The following RUNX1 variants were observed in gnomAD, a reference collection of about 807,000 sequenced individuals.
RUNX1 encodes the protein runt-related transcription factor 1.
RUNX1 carries 19 observed loss-of-function variants against 42.8 expected under a neutral mutation model. The observed-to-expected ratio is 0.44, with a 90% confidence interval of 0.31 to 0.65. The LOEUF (loss-of-function observed/expected upper bound fraction) is 0.65, where lower values mean the gene tolerates loss of function less well. Ranked by LOEUF, RUNX1 falls within the 30% of genes least tolerant of loss-of-function variation. The pLI, the probability that RUNX1 is intolerant of heterozygous loss-of-function variation, is 0.07. For missense variants in RUNX1, 528 were observed against 672.0 expected, an observed-to-expected ratio of 0.79 and a Z score of 2.37; for synonymous variants, 271 against 289.4, an observed-to-expected ratio of 0.94 and a Z score of 0.64.
At chr21:35,038,546 C>T (rs8126714) in intron 2 of RUNX1, 24,545 of 453,598 alleles carry the variant, frequency 0.054, 4,856 homozygotes, top group African/African-American at 0.44. Context: ...AATGGATTCC[C>T]TAAGCATGGG....
chr21:34,842,135 A>G (rs527582810), intron 6 of RUNX1, among the ~76,000 whole-genome samples: 1 of 152,310 alleles, frequency 6.6e-6, no homozygotes, highest in South Asian at 2.1e-4. Context: ...CTGAAATGTA[A>G]CTACAGAAAA....
intron 5 of RUNX1, among the ~76,000 whole-genome samples, chr21:34,873,132 G>A (rs2057764012): frequency 6.6e-6 from 1 of 152,168 alleles, no homozygotes; most frequent in Admixed American, 6.5e-5. Context: ...CTATACAATA[G>A]TTTCAAATAG....
intron 6 of RUNX1, among the ~76,000 whole-genome samples, chr21:34,852,853 C>T (rs550550409): frequency 1.3e-5 from 2 of 152,338 alleles, no homozygotes; most frequent in Admixed American, 6.5e-5. Flanking sequence ...CTGGAAAATA[C>T]GCTTGAAGCA....
At chr21:34,803,390 A>G (rs909143317) in intron 7 of RUNX1, among the ~76,000 whole-genome samples, 24 of 151,990 alleles carry the variant, frequency 1.6e-4, no homozygotes, top group African/African-American at 5.3e-4. Context: ...TACTAAAAAT[A>G]CAAAAAATTA....
chr21:34,981,840 A>G (rs1358842768), intron 2 of RUNX1, among the ~76,000 whole-genome samples: 1 of 152,104 alleles, frequency 6.6e-6, no homozygotes, highest in Non-Finnish European at 1.5e-5. Context: ...TTAGCTACAA[A>G]ATGGTTCTGA....
chr21:34,850,616 T>C (rs181084933), intron 6 of RUNX1, among the ~76,000 whole-genome samples: 7 of 152,348 alleles, frequency 4.6e-5, no homozygotes, highest in Admixed American at 2.6e-4. Flanking sequence ...GTGACTTTTC[T>C]TTCTGACTTT....
At chr21:35,018,426 A>G (rs1324851220) in intron 2 of RUNX1, among the ~76,000 whole-genome samples, 2 of 152,112 alleles carry the variant, frequency 1.3e-5, no homozygotes, top group African/African-American at 4.8e-5. Flanking sequence ...CCCTGCCAAC[A>G]CTTTGATCCC....
At chr21:34,914,257 A>G (rs1474148798) in intron 2 of RUNX1, among the ~76,000 whole-genome samples, 3 of 152,220 alleles carry the variant, frequency 2.0e-5, no homozygotes, top group Non-Finnish European at 4.4e-5. Context: ...AATTATACAC[A>G]GGGAGGATTC....
In RUNX1 at chr21:34,843,683, C is replaced by G. The variant is rs536391002; in HGVS notation, c.614-9082G>C. Among the ~76,000 whole-genome samples, 15 of 152,276 alleles carry G rather than the reference C, an allele frequency of 9.9e-5. No homozygotes were observed. The highest frequency in any genetic ancestry group is 7.2e-4 in the Admixed American group (11 of 15,304). On this transcript the variant is annotated intron_variant, in intron 6 of 8. Transcript: ENST00000675419. This position sits in a 1 kb window ranked among gnomAD's most constrained non-coding sequence, Gnocchi z 4.8. ...ACACAGGCCTGCCCCTCCCCAGCCC[C>G]CCTGCACCATGCGCCCAAGACTCAC... is the stretch of plus-strand genomic sequence containing the variant.
intron 6 of RUNX1, among the ~76,000 whole-genome samples, chr21:34,838,870 AT>A (rs1400046214): frequency 6.6e-6 from 1 of 151,896 alleles, no homozygotes; most frequent in Non-Finnish European, 1.5e-5. Context: ...ATGTTGGGAA[AT>A]ATTCTTCAAT....
chr21:34,911,145 A>T (rs959596722), intron 2 of RUNX1, among the ~76,000 whole-genome samples: 1 of 152,128 alleles, frequency 6.6e-6, no homozygotes, highest in East Asian at 1.9e-4. Flanking sequence ...GAGCTATCCC[A>T]TTAGGTGGGA....
chr21:34,909,565 A>C lies in RUNX1; in HGVS notation c.59-16602T>G, dbSNP rs138139007. Among the ~76,000 whole-genome samples, 189 of 140,798 alleles carry C rather than the reference A, an allele frequency of 1.3e-3. 1 individual carries two copies. The Middle Eastern group carries it at 0.019, about 14-fold the overall frequency. The allele number at this position is 140,798 out of a possible 152,430, so 92.4% of individuals were successfully genotyped here. On this transcript the variant is annotated intron_variant, in intron 2 of 8. Coordinates refer to ENST00000675419, the MANE Select transcript of RUNX1 (RefSeq NM_001754.5). ...TACAAACACAGAGTATCACTTTCTT[A>C]TACAGACCAGGTCACTGTTCCTCAA...
intron 2 of RUNX1, among the ~76,000 whole-genome samples, chr21:34,925,600 T>A (rs745663031): frequency 5.9e-5 from 9 of 152,200 alleles, no homozygotes. Context: ...CTCCCCTTCC[T>A]GTTTCAGAGG....
chr21:35,027,725 A>AAC (rs756215848), intron 2 of RUNX1, among the ~76,000 whole-genome samples: 5 of 152,114 alleles, frequency 3.3e-5, no homozygotes, highest in East Asian at 3.9e-4. Context: ...AATAAATATA[A>AAC]ACACACACAC....
At chr21:34,896,658 A>T (rs930269039) in intron 2 of RUNX1, among the ~76,000 whole-genome samples, 7 of 151,908 alleles carry the variant, frequency 4.6e-5, no homozygotes, top group African/African-American at 1.7e-4. Context: ...ACTCCAGCCT[A>T]GGAGACAGGA....
intron 5 of RUNX1, among the ~76,000 whole-genome samples, chr21:34,876,582 T>C (rs1039216052): frequency 6.6e-6 from 1 of 152,126 alleles, no homozygotes; most frequent in East Asian, 1.9e-4. Context: ...TTTTTTGTCC[T>C]TGGAAAAAGC....
intron 2 of RUNX1, among the ~76,000 whole-genome samples, chr21:34,968,811 C>A (rs776752480): frequency 2.0e-4 from 30 of 152,130 alleles, no homozygotes; most frequent in Non-Finnish European, 2.9e-5. Context: ...AAGAATGATG[C>A]TAACAGAAAG....
chr21:34,891,717 A>G (rs1013244662), intron 3 of RUNX1, among the ~76,000 whole-genome samples: 14 of 152,142 alleles, frequency 9.2e-5, no homozygotes, highest in African/African-American at 3.4e-4. Flanking sequence ...TAAAAAAAAA[A>G]AAAATACAAC....
chr21:34,932,107 T>G (rs1230347949), intron 2 of RUNX1, among the ~76,000 whole-genome samples: 1 of 152,148 alleles, frequency 6.6e-6, no homozygotes, highest in African/African-American at 2.4e-5. Flanking sequence ...AACCATGAGA[T>G]TCCCATTTTG....
Sources: allele counts gnomAD v4.1 joint callset (sites outside exome capture counted in the v4.1 genomes callset), GRCh38; gene constraint gnomAD v4.1.1; non-coding constraint Gnocchi (gnomAD v3.1); transcripts MANE v1.5; gene names NCBI Gene and HGNC (gene_info 2026-07-23, HGNC 2026-07-21).